EPB41L4B: variants seen among roughly 807,000 people sequenced by gnomAD.
EPB41L4B encodes band 4.1-like protein 4B.
EPB41L4B carries 30 observed loss-of-function variants against 112.5 expected under a neutral mutation model. That is an observed-to-expected ratio of 0.27 (90% CI 0.20 to 0.36). The LOEUF (loss-of-function observed/expected upper bound fraction) is 0.36. Ranked by LOEUF, EPB41L4B falls within the 10% of genes least tolerant of loss-of-function variation. The pLI is 1.00. For missense variants in EPB41L4B, 1,024 were observed against 1,133.3 expected (o/e 0.90, Z 1.38); for synonymous variants, 408 against 439.7 (o/e 0.93, Z 0.90).
At chr9:109,186,586 T>C (rs995853459) in intron 22 of EPB41L4B, among the ~76,000 whole-genome samples, 5 of 152,290 alleles carry the variant, frequency 3.3e-5, no homozygotes, top group Non-Finnish European at 7.4e-5. Context: ...GCAATCCTCC[T>C]GCCTCAGCCT....
chr9:109,318,808 C>A (rs572955428), intron 1 of EPB41L4B, among the ~76,000 whole-genome samples: 10 of 152,256 alleles, frequency 6.6e-5, no homozygotes, highest in African/African-American at 2.4e-4. Context: ...ATTTTCATAG[C>A]AAAATGATAT....
intron 21 of EPB41L4B, 41 bp downstream of exon 21, chr9:109,194,179 G>A (rs1832561584): frequency 6.3e-7 from 1 of 1,590,086 alleles, no homozygotes; most frequent in Non-Finnish European, 8.6e-7. Context: ...TGAATTCCCA[G>A]CAAGTGTGGC....
intron 4 of EPB41L4B, among the ~76,000 whole-genome samples, chr9:109,265,751 C>A (rs1366388126): frequency 6.6e-6 from 1 of 152,236 alleles, no homozygotes; most frequent in African/African-American, 2.4e-5. Context: ...ATCAGAACCA[C>A]TCACAATGCT....
chr9:109,316,364 G>C (rs1402907500), intron 1 of EPB41L4B, among the ~76,000 whole-genome samples: 6 of 152,250 alleles, frequency 3.9e-5, no homozygotes, highest in Non-Finnish European at 7.3e-5. Context: ...CAGGGCAACG[G>C]GAGGCGGGGC....
intron 15 of EPB41L4B, among the ~76,000 whole-genome samples, chr9:109,233,278 T>C (rs995386195): frequency 6.6e-6 from 1 of 152,172 alleles, no homozygotes; most frequent in African/African-American, 2.4e-5. Context: ...TTCCAATATA[T>C]TGAAACTTTA....
At chr9:109,271,791 T>C (rs948616200) in intron 2 of EPB41L4B, among the ~76,000 whole-genome samples, 3 of 152,130 alleles carry the variant, frequency 2.0e-5, no homozygotes, top group African/African-American at 7.2e-5. Flanking sequence ...CAATTCTGAG[T>C]TCAAATGGCA....
chr9:109,253,713 T>C (rs2119017755), intron 11 of EPB41L4B, among the ~76,000 whole-genome samples, 163 bp from the exon 12 acceptor site: 1 of 152,346 alleles, frequency 6.6e-6, no homozygotes, highest in South Asian at 2.1e-4. Context: ...CATTTGGAAA[T>C]AAAATCTCCT....
intron 6 of EPB41L4B, among the ~76,000 whole-genome samples, chr9:109,258,921 CCAATTTGTGCTG>C (rs1296046942): frequency 4.6e-5 from 7 of 152,214 alleles, no homozygotes; most frequent in Admixed American, 1.3e-4. Flanking sequence ...AGCAAGAAGC[CCAATTTGTGCTG>C]CAATTTGTGC....
At chr9:109,267,426 T>C (rs375659044) in intron 4 of EPB41L4B, 47 bp downstream of exon 4, 2 of 1,259,792 alleles carry the variant, frequency 1.6e-6, no homozygotes, top group African/African-American at 1.5e-5. Flanking sequence ...AAATGACATG[T>C]AAGGCAAGCC....
At chr9:109,245,627 T>G (rs553628110) in intron 14 of EPB41L4B, among the ~76,000 whole-genome samples, 1 of 152,166 alleles carries the variant, frequency 6.6e-6, no homozygotes, top group East Asian at 1.9e-4. Context: ...GCGTCCTCAT[T>G]GAGAACACAG....
intron 5 of EPB41L4B, among the ~76,000 whole-genome samples, chr9:109,264,515 A>G (rs1240888568): frequency 1.3e-5 from 2 of 152,208 alleles, no homozygotes; most frequent in East Asian, 1.9e-4. Flanking sequence ...TAGTATTTCA[A>G]AGCCATTTTT....
At chr9:109,237,459 G>C (rs1360359230) in intron 15 of EPB41L4B, among the ~76,000 whole-genome samples, 1 of 152,184 alleles carries the variant, frequency 6.6e-6, no homozygotes, top group Non-Finnish European at 1.5e-5. Flanking sequence ...GGAATAGTGA[G>C]TGTGGTTTTA....
At chr9:109,279,442 C>T (rs1303975365) in intron 2 of EPB41L4B, among the ~76,000 whole-genome samples, 1 of 152,114 alleles carries the variant, frequency 6.6e-6, no homozygotes, top group African/African-American at 2.4e-5. Flanking sequence ...GTTTTGAACT[C>T]CTGGACTCAA....
Position 109,174,614 on chromosome 9 carries a change from T to G in EPB41L4B, c.2643A>C (p.Thr881=), listed in dbSNP as rs759596897. The G allele has an allele frequency of 1.9e-6, 3 of 1,614,028 alleles. No homozygotes were observed. In the Admixed American group the frequency reaches 5.0e-5, roughly 27 times the overall value. The change falls in exon 26 of 26, where the codon ACA becomes ACC. Residue 881 remains threonine, a synonymous_variant. Transcript: ENST00000374566. ...KPVSLAASAE[T]LRQELEREKM... is the part of the protein sequence containing the mutation. Reference sequence around the variant, plus strand: ...TCTCTCTCTCCAGTTCCTGCCGGAGTGTCTCTGCACTAAAAAAAAGTATGT... The same window carrying G: ...TCTCTCTCTCCAGTTCCTGCCGGAGGGTCTCTGCACTAAAAAAAAGTATGT...
At chr9:109,202,990 A>G (rs1832885536) in intron 19 of EPB41L4B, among the ~76,000 whole-genome samples, 1 of 152,118 alleles carries the variant, frequency 6.6e-6, no homozygotes, top group South Asian at 2.1e-4. Flanking sequence ...CCCTGTCTCT[A>G]CTACAATTAC....
At position 109,230,306 on chromosome 9, in the gene EPB41L4B, G is replaced by A. The variant is rs181836901; in HGVS notation, c.1410-13161C>T. Among the ~76,000 whole-genome samples, 318 of 152,286 alleles carry A rather than the reference G, an allele frequency of 2.1e-3. 1 individual carries two copies. The highest frequency in any genetic ancestry group is 3.2e-3 in the Admixed American group (49 of 15,290). ...GTAACCTGGGCTCTCTGAATTGCTA[G>A]GCAATACTGCTTTGCCATGTGTTTG... On this transcript the variant is annotated intron_variant, in intron 15 of 25. Transcript: ENST00000374566.
intron 1 of EPB41L4B, among the ~76,000 whole-genome samples, chr9:109,317,094 A>T (rs113902466): frequency 3.1e-4 from 47 of 152,068 alleles, no homozygotes; most frequent in African/African-American, 1.1e-3. Flanking sequence ...GACAGATGAG[A>T]CCCCATATCC....
chr9:109,266,652 T>C (rs187722752), intron 4 of EPB41L4B, among the ~76,000 whole-genome samples: 90 of 152,110 alleles, frequency 5.9e-4, no homozygotes, highest in Admixed American at 2.6e-3. Flanking sequence ...GTCCAAGACA[T>C]AGACATGGGC....
intron 2 of EPB41L4B, among the ~76,000 whole-genome samples, chr9:109,276,965 CAGGTCCA>C (rs1413456129): frequency 6.6e-6 from 1 of 152,216 alleles, no homozygotes; most frequent in Non-Finnish European, 1.5e-5. Flanking sequence ...TCTTGGAGAA[CAGGTCCA>C]AGTACCCCAT....
Sources: gnomAD v4.1 joint callset for allele counts (sites outside exome capture counted in the v4.1 genomes callset) on GRCh38, gnomAD v4.1.1 for gene constraint, MANE v1.5 for transcripts, NCBI Gene and HGNC (gene_info 2026-07-23, HGNC 2026-07-21) for gene names.